The following GPI variants were observed in gnomAD, a reference collection of about 807,000 sequenced individuals.
GPI encodes D-hexose-6-phosphate anomerase.
In GPI, 56 loss-of-function variants were observed where a neutral mutation model predicts 75.8. The ratio of observed to expected loss-of-function variants is 0.74; its 90% CI spans 0.60 to 0.92. The LOEUF is 0.92. Among genes scored for constraint, GPI ranks in the 40% least tolerant of loss-of-function variants. The pLI, the probability that GPI is intolerant of heterozygous loss-of-function variation, is 0.00. For missense variants in GPI, 638 were observed against 741.0 expected (o/e 0.86, Z 1.61); for synonymous variants, 288 against 285.4 (o/e 1.01, Z -0.09).
chr19:34,371,089 T>C (rs1430907801), intron 4 of GPI, among the ~76,000 whole-genome samples: 1 of 152,270 alleles, frequency 6.6e-6, no homozygotes, highest in African/African-American at 2.4e-5. Context: ...AGTCTGGGTG[T>C]GCTCAGCCAT....
chr19:34,401,605 C>G lies in GPI; in HGVS notation c.*1569C>G, dbSNP rs2075023344. On this transcript the variant is annotated 3_prime_UTR_variant, in exon 18 of 18. Transcript: ENST00000356487. ...TCTCCCACCTCAGCCTCCCACAGTG[C>G]TGGGATTACAGGCGTGAGCCGCCAC... 1 of 152,268 alleles carries G rather than the reference C, an allele frequency of 6.6e-6. No homozygotes were observed. The highest frequency in any genetic ancestry group is 1.5e-5 in the Non-Finnish European group (1 of 68,106). 9.4% of individuals were successfully genotyped at this position (152,268 alleles called of 1,614,324 possible).
chr19:34,366,776 T>A lies in GPI; in HGVS notation c.214-7T>A. On this transcript the variant is annotated splice_region_variant and splice_polypyrimidine_tract_variant and intron_variant, in intron 2 of 17. Coordinates refer to ENST00000356487, the MANE Select transcript of GPI (RefSeq NM_000175.5). ...TGGGACCAGGCCTCAGTATCGTCTC[T>A]TCCTAGGCCAAGTCCAGGGGCGTGG... 1.2e-6 allele frequency: 2 copies of A among 1,610,840 alleles called. No homozygotes were observed. Among genetic ancestry groups the A allele is most frequent in the Non-Finnish European group, 1.7e-6 (2 of 1,178,062 alleles).
rs2074571785 is a variant in GPI, at chr19:34,377,794, G to A, written c.546G>A (p.Trp182Ter). 4 of 1,614,062 alleles carry A rather than the reference G, an allele frequency of 2.5e-6. No individual in the cohort carries two copies. Among genetic ancestry groups the A allele is most frequent in the Non-Finnish European group, 3.4e-6 (4 of 1,179,950 alleles). ...ACTCTTCAGGAGGTCCCCGCGTCTGGTATGTCTCCAACATTGATGGAACTC... is the reference window on the plus strand; with the variant it reads ...ACTCTTCAGGAGGTCCCCGCGTCTGATATGTCTCCAACATTGATGGAACTC... The part of the protein sequence containing the change: ...KPYSSGGPRV[W>*]YVSNIDGTHI... The change falls in exon 6 of 18, where the codon TGG (tryptophan) becomes TGA (stop). Residue 182 changes from tryptophan to a stop codon, truncating the protein, a stop_gained. Transcript: ENST00000356487. LOFTEE classifies it high-confidence loss of function.
chr19:34,376,162 G>A (rs2074532335), intron 4 of GPI, among the ~76,000 whole-genome samples: 1 of 152,176 alleles, frequency 6.6e-6, no homozygotes, highest in African/African-American at 2.4e-5. Context: ...AGTGGCTCAC[G>A]CCTGTAATCC....
chr19:34,369,704 C>CA (rs35036655), intron 4 of GPI, among the ~76,000 whole-genome samples: 35,447 of 142,452 alleles, frequency 0.25, 6,081 homozygotes, highest in African/African-American at 0.48. Context: ...GAGACTCTGT[C>CA]AAAAAAAAAA....
In GPI at chr19:34,365,345, C is replaced by T. The variant is rs1300798447; in HGVS notation, c.79C>T (p.Arg27Cys). ...YREHRSELNLRRLFDANKDRF... is the reference protein window; with the variant it reads ...YREHRSELNLCRLFDANKDRF... ...CGAGCACCGCTCCGAGCTGAACCTG[C>T]GCCGCCTCTTCGATGCCAACAAGGA... is the stretch of plus-strand genomic sequence containing the variant. The change falls in exon 1 of 18, where the codon CGC (arginine) becomes TGC (cysteine). Residue 27 changes from arginine (R) to cysteine (C), a missense_variant. By Grantham distance (180) the Arg-to-Cys change is radical. Transcript: ENST00000356487. The T allele has an allele frequency of 1.3e-6, 2 of 1,591,204 alleles. No homozygotes were observed. Among genetic ancestry groups the T allele is most frequent in the South Asian group, 1.1e-5 (1 of 89,230 alleles).
At chr19:34,365,550 T>C in intron 1 of GPI, 162 bp downstream of exon 1, 1 of 1,202,906 alleles carries the variant, frequency 8.3e-7, no homozygotes, top group Non-Finnish European at 1.2e-6. Context: ...GTCCTTGGAG[T>C]CTCCTTGGAG....
intron 14 of GPI, among the ~76,000 whole-genome samples, chr19:34,396,899 C>T (rs1474951106): frequency 6.6e-6 from 1 of 152,222 alleles, no homozygotes; most frequent in Non-Finnish European, 1.5e-5. Flanking sequence ...CAACCTTCCC[C>T]TCCCGGCCTC....
Position 34,393,169 on chromosome 19 carries a change from C to G in GPI, c.805-79C>G, listed in dbSNP as rs187822638. 11 of 1,156,184 alleles carry G rather than the reference C, an allele frequency of 9.5e-6. No homozygotes were observed. In the Middle Eastern group the frequency reaches 6.2e-4, roughly 65 times the overall value. The allele number at this position is 1,156,184 out of a possible 1,614,324, so 71.6% of individuals were successfully genotyped here. A position where few individuals can be genotyped will look rare whatever the true frequency, so the allele number is the denominator to read the frequency against. ...CCCTCCGAGACGCCCCTGTGCAAGA[C>G]CAGGGACAGGGTTTCCGGCAGGAGG... is the stretch of plus-strand genomic sequence containing the variant. On this transcript the variant is annotated intron_variant, in intron 9 of 17. Transcript: ENST00000356487. This position sits in a 1 kb window ranked among gnomAD's most constrained non-coding sequence, Gnocchi z 4.4.
chr19:34,363,194 T>A (rs1322954714), upstream of GPI: 1 of 152,216 alleles, frequency 6.6e-6, no homozygotes, highest in East Asian at 1.9e-4. Context: ...TAGTCCTGGC[T>A]ACTCAGAAGG....
At chr19:34,365,532 C>T (rs1388064786) in intron 1 of GPI, 144 bp downstream of exon 1, 1 of 1,316,634 alleles carries the variant, frequency 7.6e-7, no homozygotes, top group East Asian at 2.6e-5. Flanking sequence ...AGGCCGAGTC[C>T]GCACTTCGTC....
At chr19:34,383,650 C>G (rs1038478641) in intron 9 of GPI, among the ~76,000 whole-genome samples, 3 of 152,094 alleles carry the variant, frequency 2.0e-5, no homozygotes, top group Non-Finnish European at 4.4e-5. Flanking sequence ...TCTGCAGAGC[C>G]CAGATGCGGG....
intron 9 of GPI, among the ~76,000 whole-genome samples, chr19:34,383,284 C>A (rs960814294): frequency 1.3e-5 from 2 of 152,160 alleles, no homozygotes; most frequent in African/African-American, 4.8e-5. Context: ...GGAGCCAGGA[C>A]AGGAGAGGGA....
chr19:34,396,685 G>A, intron 14 of GPI, 28 bp downstream of exon 14: 4 of 1,598,124 alleles, frequency 2.5e-6, no homozygotes, highest in South Asian at 2.2e-5. Context: ...GCCCCATCTG[G>A]GGGGTCTGGC....
chr19:34,371,291 G>C (rs2074448228), intron 4 of GPI, among the ~76,000 whole-genome samples: 1 of 152,238 alleles, frequency 6.6e-6, no homozygotes, highest in Non-Finnish European at 1.5e-5. Flanking sequence ...TGCCAAGATT[G>C]GGTGAAGACG....
chr19:34,361,378 C>T (rs2074300558), upstream of GPI, among the ~76,000 whole-genome samples: 1 of 152,138 alleles, frequency 6.6e-6, no homozygotes, highest in African/African-American at 2.4e-5. Flanking sequence ...AGGCGTGAGC[C>T]ACCGTGCCCG....
rs1491093366 is a variant in GPI at position 34,374,153 on chromosome 19, T to TTA, written c.403-3350_403-3349insTA. The stretch of plus-strand genomic sequence containing the variant: ...GCCTTTTTTTTTTTTTTTTTTTTTT[T>TTA]AAATTTTTTTAGTAGAGATGGGGTT... On this transcript the variant is annotated intron_variant, in intron 4 of 17. Transcript: ENST00000356487. Among the ~76,000 whole-genome samples the TTA allele has an allele frequency of 1.5e-4, 21 of 144,216 alleles. No individual in the cohort carries two copies. The East Asian group carries it at 3.4e-3, about 24-fold the overall frequency. The allele number at this position is 144,216 out of a possible 152,430, so 94.6% of individuals were successfully genotyped here.
chr19:34,380,577 C>T (rs1018670428), intron 8 of GPI, among the ~76,000 whole-genome samples: 4 of 152,208 alleles, frequency 2.6e-5, no homozygotes, highest in South Asian at 2.1e-4. Context: ...CCACTGTACC[C>T]GGCCCACTTA....
In GPI at chr19:34,399,599, A is replaced by G; in HGVS notation, c.1442A>G (p.Lys481Arg). The G allele has an allele frequency of 6.2e-7, 1 of 1,614,178 alleles. No individual in the cohort carries two copies. The highest frequency in any genetic ancestry group is 1.3e-5 in the African/African-American group (1 of 75,046). Residue 481 changes from lysine (K) to arginine (R), a missense_variant, in exon 16 of 18, where the codon AAG becomes AGG. Coordinates refer to ENST00000356487, the MANE Select transcript of GPI (RefSeq NM_000175.5). ...NRPTNSIVFT[K>R]LTPFMLGALV... is the part of the protein sequence containing the mutation. ...CCAACCAACTCTATTGTGTTCACCA[A>G]GCTCACACCATTCATGCTTGGAGCC... is the stretch of plus-strand genomic sequence containing the variant.
Sources: gnomAD v4.1 joint callset for allele counts (sites outside exome capture counted in the v4.1 genomes callset) on GRCh38, gnomAD v4.1.1 for gene constraint, Gnocchi (gnomAD v3.1) non-coding constraint, MANE v1.5 for transcripts, NCBI Gene and HGNC (gene_info 2026-07-23, HGNC 2026-07-21) for gene names.